NBAS: variants seen among roughly 807,000 people sequenced by gnomAD.
NBAS encodes NAG/BC035112 fusion.
Under a neutral mutation model 302.5 loss-of-function variants are expected in NBAS, and 219 were observed. The observed-to-expected ratio is 0.72, with a 90% confidence interval of 0.65 to 0.81. NBAS has a LOEUF of 0.81. Among genes scored for constraint, NBAS ranks in the 30% least tolerant of loss-of-function variants. The pLI is 0.00. For missense variants in NBAS, 2,932 were observed against 2,841.6 expected (o/e 1.03, Z -0.72); for synonymous variants, 1,118 against 1,021.6 (o/e 1.09, Z -1.80).
In NBAS at chr2:15,232,424, C is replaced by A; in HGVS notation, c.6234G>T (p.Lys2078Asn). 1 of 1,613,848 alleles carries A rather than the reference C, an allele frequency of 6.2e-7. No homozygotes were observed. Among genetic ancestry groups the A allele is most frequent in the South Asian group, 1.1e-5 (1 of 91,056 alleles). Residue 2078 changes from lysine to asparagine, a missense_variant and splice_region_variant, in exon 47 of 52, where the codon AAG becomes AAT. Lys to Asn is a moderately conservative substitution (Grantham distance 94, BLOSUM62 0). Transcript: ENST00000281513. Reference protein sequence around the residue: ...VVAAVHASVDKGEELVSPEDL... With the variant: ...VVAAVHASVDNGEELVSPEDL... ...TGCACATACTGTTCTAGTCTTACCCCTTGTCCACACTGGCGTGGACTGCTG... is the reference window on the plus strand; with the variant it reads ...TGCACATACTGTTCTAGTCTTACCCATTGTCCACACTGGCGTGGACTGCTG...
chr2:14,925,258 C>T, the NBAS span, among the ~76,000 whole-genome samples: 1 of 152,068 alleles, frequency 6.6e-6, no homozygotes, highest in Non-Finnish European at 1.5e-5. Flanking sequence ...GAGGTCTCAC[C>T]AGTATCATCT....
In NBAS at chr2:15,561,272, A is replaced by G; in HGVS notation, c.33T>C (p.Ser11=). The G allele has an allele frequency of 6.2e-7, 1 of 1,613,622 alleles. No individual in the cohort carries two copies. Among genetic ancestry groups the G allele is most frequent in the Non-Finnish European group, 8.5e-7 (1 of 1,179,990 alleles). MAAPESGPAL[S]PGTAEGEEET... ...CCTCCTCACCCTCTGCAGTGCCTGG[A>G]CTCAAAGCCGGCCCTGACTCGGGGG... The change falls in exon 1 of 52, where the codon AGT becomes AGC. Residue 11 remains serine, a synonymous_variant. Transcript: ENST00000281513.
intron 44 of NBAS, among the ~76,000 whole-genome samples, chr2:15,249,141 G>A (rs1668241368): frequency 6.6e-6 from 1 of 152,120 alleles, no homozygotes; most frequent in Non-Finnish European, 1.5e-5. Context: ...TCATCCCGGG[G>A]ATGCGAGGCT....
the NBAS span, among the ~76,000 whole-genome samples, chr2:15,148,733 A>C: frequency 2.0e-5 from 3 of 152,232 alleles, no homozygotes; most frequent in African/African-American, 7.2e-5. Context: ...AAGTACACTG[A>C]TGCAAAACTA....
the NBAS span, among the ~76,000 whole-genome samples, chr2:15,087,810 G>C: frequency 6.6e-6 from 1 of 152,208 alleles, no homozygotes; most frequent in Non-Finnish European, 1.5e-5. Flanking sequence ...TTCCTTCATT[G>C]ACTCACTCAG....
the NBAS span, among the ~76,000 whole-genome samples, chr2:14,907,843 T>G: frequency 6.6e-6 from 1 of 152,224 alleles, no homozygotes; most frequent in African/African-American, 2.4e-5. Context: ...TGCCATGAAC[T>G]TGCTGTGTGA....
At chr2:15,339,740 T>C (rs890791762) in intron 35 of NBAS, among the ~76,000 whole-genome samples, 8 of 152,064 alleles carry the variant, frequency 5.3e-5, no homozygotes, top group Non-Finnish European at 1.0e-4. Flanking sequence ...GAGAACACCA[T>C]AATAACACAG....
At chr2:15,070,470 C>T in the NBAS span, among the ~76,000 whole-genome samples, 4 of 152,148 alleles carry the variant, frequency 2.6e-5, no homozygotes, top group Non-Finnish European at 4.4e-5. Flanking sequence ...CCCATATCTG[C>T]CTCCATTTCT....
chr2:15,116,354 C>A, the NBAS span, among the ~76,000 whole-genome samples: 1 of 152,160 alleles, frequency 6.6e-6, no homozygotes, highest in Non-Finnish European at 1.5e-5. Context: ...AAGGTGGCAG[C>A]TGAGCTCTCT....
rs1402749011 is a variant in NBAS at position 15,556,845 on chromosome 2, C to A, written c.173-26G>T. ...CTGTAATCAAAAGAAATGGCAAAGCCAAATATAAATCAGCTGTTAAGAATC... is the reference window on the plus strand; with the variant it reads ...CTGTAATCAAAAGAAATGGCAAAGCAAAATATAAATCAGCTGTTAAGAATC... On this transcript the variant is annotated intron_variant, in intron 2 of 51. Transcript: ENST00000281513. 1.9e-5 allele frequency: 30 copies of A among 1,574,114 alleles called. No homozygotes were observed. The Admixed American group carries it at 5.0e-4, about 26-fold the overall frequency.
chr2:14,997,450 CT>C, the NBAS span, among the ~76,000 whole-genome samples: 2 of 132,752 alleles, frequency 1.5e-5, no homozygotes, highest in Non-Finnish European at 3.3e-5. Context: ...AGGCCCTGTG[CT>C]TGTTTTTTTT....
At chr2:15,010,009 T>C in the NBAS span, among the ~76,000 whole-genome samples, 1 of 152,170 alleles carries the variant, frequency 6.6e-6, no homozygotes, top group African/African-American at 2.4e-5. Context: ...GAGGGGAAAT[T>C]CTTCAATCTG....
chr2:14,824,369 G>A, the NBAS span, among the ~76,000 whole-genome samples: 1 of 151,994 alleles, frequency 6.6e-6, no homozygotes, highest in Admixed American at 6.6e-5. Context: ...TGAACTAAAA[G>A]GCAAATAAAA....
chr2:14,895,032 G>T, the NBAS span, among the ~76,000 whole-genome samples: 1 of 152,150 alleles, frequency 6.6e-6, no homozygotes, highest in Non-Finnish European at 1.5e-5. Context: ...CTCCAGCCTG[G>T]TGACAGAGCG....
At chr2:15,169,349 G>T (rs1156566806) in intron 51 of NBAS, among the ~76,000 whole-genome samples, 1 of 152,170 alleles carries the variant, frequency 6.6e-6, no homozygotes, top group Non-Finnish European at 1.5e-5. Flanking sequence ...TGCTGGAAGG[G>T]GCACGGAGCT....
downstream of NBAS, among the ~76,000 whole-genome samples, chr2:15,162,503 CAG>C (rs1391056035): frequency 2.0e-5 from 3 of 152,184 alleles, no homozygotes; most frequent in Admixed American, 6.5e-5. Flanking sequence ...GCATCAAAGT[CAG>C]AGTTATTTTT....
the NBAS span, among the ~76,000 whole-genome samples, chr2:15,143,069 T>C: frequency 1.3e-5 from 2 of 152,196 alleles, no homozygotes. Flanking sequence ...TACTTGGTTA[T>C]TTTCTGCTTT....
chr2:14,912,702 TTA>T, the NBAS span, among the ~76,000 whole-genome samples: 103 of 101,282 alleles, frequency 1.0e-3, no homozygotes, highest in African/African-American at 3.7e-3. Flanking sequence ...GCATTCATTT[TTA>T]AAAAAAAAAA....
At chr2:15,120,432 T>G in the NBAS span, among the ~76,000 whole-genome samples, 9 of 152,078 alleles carry the variant, frequency 5.9e-5, no homozygotes, top group African/African-American at 2.2e-4. Flanking sequence ...CCACTTCAGG[T>G]ATGTCAGAGA....
Sources: gnomAD v4.1 joint callset for allele counts (sites outside exome capture counted in the v4.1 genomes callset) on GRCh38, gnomAD v4.1.1 for gene constraint, MANE v1.5 for transcripts, NCBI Gene and HGNC (gene_info 2026-07-23, HGNC 2026-07-21) for gene names.